TPM1: variants seen among roughly 807,000 people sequenced by gnomAD.
The protein encoded by TPM1 is tropomyosin alpha-1 chain.
In TPM1, 24 loss-of-function variants were observed where a neutral mutation model predicts 42.9. The observed-to-expected ratio is 0.56, with a 90% CI of 0.41 to 0.79. The LOEUF (loss-of-function observed/expected upper bound fraction) is 0.79. Ranked by LOEUF, TPM1 falls within the 30% of genes least tolerant of loss-of-function variation. TPM1 has a pLI of 0.00. For missense variants in TPM1, 158 were observed against 351.8 expected (o/e 0.45, Z 4.41); for synonymous variants, 136 against 130.1 (o/e 1.05, Z -0.31).
chr15:63,048,595 T>TGGAGGCGGTGCGCAGGAAGATCC, intron 2 of TPM1: 1 of 1,531,578 alleles, frequency 6.5e-7, no homozygotes, highest in Non-Finnish European at 8.8e-7. Context: ...AGTAGCTCGC[T>TGGAGGCGGTGCGCAGGAAGATCC]GGAGGCGGTG....
chr15:63,063,304 A>C, intron 8 of TPM1: 1 of 985,488 alleles, frequency 1.0e-6, no homozygotes, highest in Non-Finnish European at 1.2e-6. Context: ...AGAAGGAACT[A>C]GTGTTTGGTG....
chr15:63,043,652 T>C, intron 1 of TPM1: 4 of 1,535,666 alleles, frequency 2.6e-6, no homozygotes, highest in Non-Finnish European at 3.5e-6. Flanking sequence ...GTGTTGTGTG[T>C]GTCTAACACC....
At position 63,061,806 on chromosome 15, in the gene TPM1, T is replaced by G; in HGVS notation, c.639+18T>G. ...CTGAGAAGGTAGGCCAGGAGGATGG[T>G]GTGGGGGAAAGGCATCTTTTAAGAG... On this transcript the variant is annotated intron_variant, in intron 6 of 9. Transcript: ENST00000403994. The G allele has an allele frequency of 6.2e-7, 1 of 1,612,630 alleles. No individual in the cohort carries two copies. Among genetic ancestry groups the G allele is most frequent in the South Asian group, 1.1e-5 (1 of 91,040 alleles).
chr15:63,058,663 C>T (rs1338633756), intron 3 of TPM1, among the ~76,000 whole-genome samples: 1 of 152,124 alleles, frequency 6.6e-6, no homozygotes, highest in Non-Finnish European at 1.5e-5. Flanking sequence ...GAGCCAAGAT[C>T]ACACCACCGC....
At position 63,048,684 on chromosome 15, in the gene TPM1, C is replaced by T. The variant is rs1242415536; in HGVS notation, c.240+4532C>T. ...GGGCACCCTGCAGCGCGAGCTGGAC[C>T]ACGAGAGGAAGCTGAGGGAGACCGT... On this transcript the variant is annotated intron_variant, in intron 2 of 9. Coordinates refer to ENST00000403994, the MANE Select transcript of TPM1 (RefSeq NM_001018005.2). 23 of 1,539,332 alleles carry T rather than the reference C, an allele frequency of 1.5e-5. No individual in the cohort carries two copies. In the South Asian group the frequency reaches 2.4e-4, roughly 16 times the overall value.
chr15:63,047,469 C>T (rs2032628002), intron 2 of TPM1: 1 of 152,212 alleles, frequency 6.6e-6, no homozygotes, highest in Non-Finnish European at 1.5e-5. Context: ...TTTTCTCCAC[C>T]TGTAGCCAGA....
At chr15:63,048,267 A>G (rs1596317114) in intron 2 of TPM1, 1 of 547,812 alleles carries the variant, frequency 1.8e-6, no homozygotes, top group African/African-American at 2.0e-5. Flanking sequence ...CTCACCAGGT[A>G]CCCCCGCAGC....
intron 1 of TPM1, 109 bp downstream of exon 1, chr15:63,043,052 C>T (rs2031501930): frequency 8.3e-6 from 8 of 963,884 alleles, no homozygotes; most frequent in Non-Finnish European, 9.7e-6. Flanking sequence ...ACCCTACCCC[C>T]ACCACCACCC....
At chr15:63,044,003 C>G (rs768021011) in intron 1 of TPM1, 24 bp from the exon 2 acceptor site, 1 of 1,611,696 alleles carries the variant, frequency 6.2e-7, no homozygotes, top group Non-Finnish European at 8.5e-7. Context: ...CCCTCCCTCC[C>G]TGTACCCCCT....
At chr15:63,048,177 C>A (rs750596609) in intron 2 of TPM1, 1 of 452,974 alleles carries the variant, frequency 2.2e-6, no homozygotes, top group South Asian at 1.6e-5. Flanking sequence ...GCTCCGTTAC[C>A]CCGGGTCACC....
chr15:63,055,740 A>G (rs1371491999), intron 2 of TPM1: 1 of 152,224 alleles, frequency 6.6e-6, no homozygotes, highest in Non-Finnish European at 1.5e-5. Context: ...ACATACATTC[A>G]AAGTGGATGA....
intron 1 of TPM1, chr15:63,043,579 T>A (rs2031665372): frequency 1.4e-6 from 2 of 1,417,578 alleles, no homozygotes; most frequent in Admixed American, 2.0e-5. Flanking sequence ...TTACCTCGGG[T>A]CCTTTGCACT....
downstream of TPM1, chr15:63,071,118 C>T (rs146470352): frequency 6.2e-7 from 1 of 1,613,972 alleles, no homozygotes; most frequent in African/African-American, 1.3e-5. Context: ...AAGAAGAAAA[C>T]CTTAGTATGC....
intron 8 of TPM1, chr15:63,063,028 G>C (rs560178311): frequency 1.2e-5 from 16 of 1,325,832 alleles, no homozygotes; most frequent in Middle Eastern, 5.6e-4. Flanking sequence ...GTTTTTAGAA[G>C]AACCCATCTT....
At position 63,061,818 on chromosome 15, in the gene TPM1, G is replaced by C. The variant is rs767494748; in HGVS notation, c.639+30G>C. On this transcript the variant is annotated intron_variant, in intron 6 of 9. Coordinates refer to ENST00000403994, the MANE Select transcript of TPM1 (RefSeq NM_001018005.2). The stretch of plus-strand genomic sequence containing the variant: ...GCCAGGAGGATGGTGTGGGGGAAAG[G>C]CATCTTTTAAGAGCTGCTCAAAAGA... 5.6e-6 allele frequency: 9 copies of C among 1,605,596 alleles called. No individual in the cohort carries two copies. In the South Asian group the frequency reaches 6.6e-5, roughly 12 times the overall value.
At chr15:63,045,195 A>G (rs2032127798) in intron 2 of TPM1, 1 of 152,186 alleles carries the variant, frequency 6.6e-6, no homozygotes, top group Non-Finnish European at 1.5e-5. Context: ...TAACATGCAA[A>G]TAACTGAAGG....
At position 63,064,972 on chromosome 15, in the gene TPM1, A is replaced by G. The variant is rs1189824583; in HGVS notation, c.851+830A>G. On this transcript the variant is annotated intron_variant, in intron 9 of 9. Coordinates refer to ENST00000403994, the MANE Select transcript of TPM1 (RefSeq NM_001018005.2). Reference sequence around the variant, plus strand: ...ACAGAGCGAGACTCTGTCTCAAGAAAAAAAAGAATGGTAGAGTAAAAAGAA... The same window carrying G: ...ACAGAGCGAGACTCTGTCTCAAGAAGAAAAAGAATGGTAGAGTAAAAAGAA... 4 of 984,866 alleles carry G rather than the reference A, an allele frequency of 4.1e-6. No individual in the cohort carries two copies. The African/African-American group carries it at 7.0e-5, about 17-fold the overall frequency. 61.0% of individuals were successfully genotyped at this position (984,866 alleles called of 1,614,324 possible).
In TPM1 at chr15:63,060,863, C is replaced by T. The variant is rs397516374; in HGVS notation, c.493-6C>T. On this transcript the variant is annotated splice_polypyrimidine_tract_variant and splice_region_variant and intron_variant, in intron 4 of 9. Transcript: ENST00000403994. The stretch of plus-strand genomic sequence containing the variant: ...ATGGTGTGTGTGTTGTGTCTTCCTG[C>T]TGCAGGTGGCCCGTAAGCTGGTCAT... 5.0e-6 allele frequency: 8 copies of T among 1,614,182 alleles called. No individual in the cohort carries two copies. In the Admixed American group the frequency reaches 1.0e-4, roughly 20 times the overall value.
At chr15:63,046,869 C>A (rs2032496357) in intron 2 of TPM1, 1 of 152,300 alleles carries the variant, frequency 6.6e-6, no homozygotes, top group Admixed American at 6.5e-5. Context: ...ACCCAGGCGG[C>A]AGCATTTAAA....
Sources: gnomAD v4.1 joint callset for allele counts (sites outside exome capture counted in the v4.1 genomes callset) on GRCh38, gnomAD v4.1.1 for gene constraint, MANE v1.5 for transcripts, NCBI Gene and HGNC (gene_info 2026-07-23, HGNC 2026-07-21) for gene names.